Variants in NMT1 observed in about 807,000 individuals in gnomAD.
NMT1 encodes glycylpeptide N-tetradecanoyltransferase 1.
A neutral mutation model predicts 63.4 loss-of-function variants in NMT1; 12 were observed. The ratio of observed to expected loss-of-function variants is 0.19; its 90% CI spans 0.12 to 0.31. The LOEUF (loss-of-function observed/expected upper bound fraction) is 0.31. Ranked by LOEUF, NMT1 falls within the 10% of genes least tolerant of loss-of-function variation. The probability of loss-of-function intolerance (pLI) is 1.00; values close to 1 mark genes in which losing one functional copy is unlikely to be tolerated. For synonymous variants in NMT1, 228 were observed against 234.3 expected, an observed-to-expected ratio of 0.97 and a Z score of 0.25; for missense variants, 432 against 634.6, an observed-to-expected ratio of 0.68 and a Z score of 3.43.
At chr17:45,092,891 T>C (rs1276216299) in intron 3 of NMT1, among the ~76,000 whole-genome samples, 1 of 152,162 alleles carries the variant, frequency 6.6e-6, no homozygotes, top group South Asian at 2.1e-4. Context: ...TTCTTCCCAG[T>C]GTAAACATGA....
At position 45,081,665 on chromosome 17, in the gene NMT1, C is replaced by A; in HGVS notation, c.153C>A (p.Asp51Glu). Residue 51 changes from aspartate (D) to glutamate (E), a missense_variant, in exon 2 of 12, where the codon GAC (aspartate) becomes GAA (glutamate). Around this residue, in one of 4 missense-constraint regions of NMT1, gnomAD observed 121 missense variants for 103.7 expected, o/e 1.17. Coordinates refer to ENST00000258960, the MANE Select transcript of NMT1 (RefSeq NM_021079.5). ...ACAGTGGTTTGAGTCCAGCCAATGA[C>A]ACTGGAGCCAAAAAGAAGAAAAAGA... ...YNRGGLSPAN[D>E]TGAKKKKKKQ... The A allele has an allele frequency of 6.2e-7, 1 of 1,613,524 alleles. No homozygotes were observed. The highest frequency in any genetic ancestry group is 8.5e-7 in the Non-Finnish European group (1 of 1,179,858).
At chr17:45,100,862 C>CAAAAAAAA in intron 8 of NMT1, among the ~76,000 whole-genome samples, 34 of 32,604 alleles carry the variant, frequency 1.0e-3, no homozygotes, top group Non-Finnish European at 1.3e-3. Flanking sequence ...GACTCCGTCT[C>CAAAAAAAA]AAAAAAAAAA....
intron 1 of NMT1, among the ~76,000 whole-genome samples, chr17:45,062,266 C>A (rs1409921230): frequency 6.6e-6 from 1 of 152,178 alleles, no homozygotes; most frequent in Non-Finnish European, 1.5e-5. Flanking sequence ...ATGTTGAATT[C>A]TTTTCCCAAA....
intron 1 of NMT1, among the ~76,000 whole-genome samples, chr17:45,071,956 A>G (rs2053942579): frequency 6.6e-6 from 1 of 152,162 alleles, no homozygotes; most frequent in Admixed American, 6.5e-5. Flanking sequence ...GAAGACAATG[A>G]ATAAGAAAAT....
rs1377492089 is a variant in NMT1 at position 45,092,723 on chromosome 17, AAAAG to A, written c.386-958_386-955del. ...AGACTGTCTCAAAAAAAAAAAAAAGAAAAGAAAAGAAAAAAAAAATATTTGGGAT... is the reference window on the plus strand; with the variant it reads ...AGACTGTCTCAAAAAAAAAAAAAAGAAAAAGAAAAAAAAAATATTTGGGAT... On this transcript the variant is annotated intron_variant, in intron 3 of 11. Coordinates refer to ENST00000258960, the MANE Select transcript of NMT1 (RefSeq NM_021079.5). Among the ~76,000 whole-genome samples, 230 of 99,230 alleles carry A rather than the reference AAAAG, an allele frequency of 2.3e-3. 1 individual carries two copies. The highest frequency in any genetic ancestry group is 0.011 in the African/African-American group (216 of 20,394). The allele number at this position is 99,230 out of a possible 152,430, so 65.1% of individuals were successfully genotyped here.
Position 45,105,712 on chromosome 17 carries a change from T to G in NMT1, c.*73T>G. ...GGAAATGGAACCCCACCACTGTTGG[T>G]CCAATTTTCACACACGTGAGAATCC... On this transcript the variant is annotated 3_prime_UTR_variant, in exon 12 of 12. Coordinates refer to ENST00000258960, the MANE Select transcript of NMT1 (RefSeq NM_021079.5). The surrounding 1 kb of genome is among the most constrained non-coding windows in gnomAD (Gnocchi z 4.2). 6.8e-7 allele frequency: 1 copy of G among 1,474,464 alleles called. No homozygotes were observed. The highest frequency in any genetic ancestry group is 9.4e-7 in the Non-Finnish European group (1 of 1,059,698). The allele number at this position is 1,474,464 out of a possible 1,614,324, so 91.3% of individuals were successfully genotyped here.
At chr17:45,071,363 G>A (rs564925921) in intron 1 of NMT1, 94 of 152,292 alleles carry the variant, frequency 6.2e-4, no homozygotes, top group African/African-American at 2.1e-3. Context: ...TGTGTGTGTA[G>A]AGACAAGATC....
Position 45,104,818 on chromosome 17 carries a change from C to A in NMT1, c.1333-41C>A. ...AGGGGTAGGAAGGAGGCTGTCCCCA[C>A]CTGTCCTCACCTGTTCTTGTTTGTC... is the stretch of plus-strand genomic sequence containing the variant. On this transcript the variant is annotated intron_variant, in intron 10 of 11. Transcript: ENST00000258960. The surrounding 1 kb of genome is among the most constrained non-coding windows in gnomAD (Gnocchi z 4.2). 1 of 1,611,652 alleles carries A rather than the reference C, an allele frequency of 6.2e-7. No individual in the cohort carries two copies. The highest frequency in any genetic ancestry group is 8.5e-7 in the Non-Finnish European group (1 of 1,177,920).
Position 45,065,556 on chromosome 17 carries a change from G to A in NMT1, c.131+4096G>A, listed in dbSNP as rs567818618. Reference sequence around the variant, plus strand: ...GGAGAATGGTGTGACCCTGTGAGGCGGAGCTTGCAGTGAGCCGAGATTGCG... The same window carrying A: ...GGAGAATGGTGTGACCCTGTGAGGCAGAGCTTGCAGTGAGCCGAGATTGCG... On this transcript the variant is annotated intron_variant, in intron 1 of 11. Transcript: ENST00000258960. Among the ~76,000 whole-genome samples, 6 of 150,362 alleles carry A rather than the reference G, an allele frequency of 4.0e-5. No individual in the cohort carries two copies. In the East Asian group the frequency reaches 7.8e-4, roughly 20 times the overall value.
chr17:45,096,425 G>A, intron 5 of NMT1, 140 bp downstream of exon 5: 2 of 698,048 alleles, frequency 2.9e-6, no homozygotes, highest in Non-Finnish European at 5.2e-6. Flanking sequence ...TCCTGCATCT[G>A]AAGGACACTT....
intron 2 of NMT1, among the ~76,000 whole-genome samples, chr17:45,085,754 T>C (rs940800568): frequency 4.6e-5 from 7 of 152,176 alleles, no homozygotes; most frequent in African/African-American, 1.7e-4. Flanking sequence ...TTTTCTCTGG[T>C]TGTAATGACC....
chr17:45,068,185 T>C (rs574800825), intron 1 of NMT1, among the ~76,000 whole-genome samples: 1 of 152,274 alleles, frequency 6.6e-6, no homozygotes, highest in South Asian at 2.1e-4. Context: ...AAACCGGAAT[T>C]CCTCCATAGG....
At chr17:45,087,187 CA>C (rs78893273) in intron 3 of NMT1, among the ~76,000 whole-genome samples, 5,016 of 142,132 alleles carry the variant, frequency 0.035, 108 homozygotes, top group Non-Finnish European at 0.053. Flanking sequence ...CCAAAAAACC[CA>C]AAAAAAAAAC....
intron 1 of NMT1, among the ~76,000 whole-genome samples, chr17:45,063,791 G>A (rs2053883855): frequency 6.6e-6 from 1 of 152,130 alleles, no homozygotes; most frequent in Non-Finnish European, 1.5e-5. Flanking sequence ...AGCTACTCCG[G>A]AGACTGAGGC....
intron 1 of NMT1, among the ~76,000 whole-genome samples, chr17:45,065,343 G>T (rs1464185202): frequency 6.6e-6 from 1 of 152,062 alleles, no homozygotes; most frequent in Non-Finnish European, 1.5e-5. Context: ...ACCTACAGAG[G>T]CAGGGCATGG....
At chr17:45,077,656 C>A (rs2053986728) in intron 1 of NMT1, among the ~76,000 whole-genome samples, 1 of 152,190 alleles carries the variant, frequency 6.6e-6, no homozygotes, top group South Asian at 2.1e-4. Context: ...TCCCAAAGTG[C>A]TGAGATTACA....
In NMT1 at chr17:45,104,606, C is replaced by G; in HGVS notation, c.1333-253C>G. The G allele has an allele frequency of 7.8e-7, 1 of 1,280,686 alleles. No homozygotes were observed. Among genetic ancestry groups the G allele is most frequent in the Non-Finnish European group, 9.9e-7 (1 of 1,009,776 alleles). The allele number at this position is 1,280,686 out of a possible 1,614,324, so 79.3% of individuals were successfully genotyped here. A position where few individuals can be genotyped will look rare whatever the true frequency, so the allele number is the denominator to read the frequency against. ...GAGGCATAACCAGGAATAGCAAGAG[C>G]CCCGGCCTGGACACTGAGTACATAT... On this transcript the variant is annotated intron_variant, in intron 10 of 11. Transcript: ENST00000258960. This position sits in a 1 kb window ranked among gnomAD's most constrained non-coding sequence, Gnocchi z 4.2.
At chr17:45,100,258 T>G (rs916427890) in intron 8 of NMT1, among the ~76,000 whole-genome samples, 3 of 152,176 alleles carry the variant, frequency 2.0e-5, no homozygotes, top group Non-Finnish European at 4.4e-5. Flanking sequence ...CCGGCCAATT[T>G]TTGTTTTTAT....
intron 1 of NMT1, among the ~76,000 whole-genome samples, chr17:45,066,047 A>G (rs1047110158): frequency 6.6e-6 from 1 of 151,556 alleles, no homozygotes; most frequent in African/African-American, 2.4e-5. Flanking sequence ...AAGTCATAGT[A>G]CTCTATGCTA....
Sources: gnomAD v4.1 joint callset for allele counts (sites outside exome capture counted in the v4.1 genomes callset) on GRCh38, gnomAD v4.1.1 for gene constraint, gnomAD v4.1.1 regional missense constraint, Gnocchi (gnomAD v3.1) non-coding constraint, MANE v1.5 for transcripts, NCBI Gene and HGNC (gene_info 2026-07-23, HGNC 2026-07-21) for gene names.